DLG1: variants seen among roughly 807,000 people sequenced by gnomAD.
DLG1 encodes the protein discs large MAGUK scaffold protein 1.
DLG1 carries 42 observed loss-of-function variants against 123.4 expected under a neutral mutation model. The ratio of observed to expected loss-of-function variants is 0.34; its 90% CI spans 0.27 to 0.44. The LOEUF (loss-of-function observed/expected upper bound fraction) is 0.44. DLG1 is among the 20% of genes least tolerant of loss of function. The probability of loss-of-function intolerance (pLI) is 1.00; values close to 1 mark genes in which losing one functional copy is unlikely to be tolerated. For synonymous variants in DLG1, 317 were observed against 356.2 expected, an observed-to-expected ratio of 0.89 and a Z score of 1.24; for missense variants, 942 against 1,082.6, an observed-to-expected ratio of 0.87 and a Z score of 1.82.
chr3:197,078,886 A>G (rs1348651615), intron 17 of DLG1, among the ~76,000 whole-genome samples: 5 of 152,232 alleles, frequency 3.3e-5, no homozygotes, highest in African/African-American at 1.2e-4. Context: ...GCAAACAACC[A>G]AAAGAAACAT....
At chr3:197,119,608 G>A (rs1323381312) in intron 11 of DLG1, 78 bp from the exon 12 acceptor site, 1 of 1,326,834 alleles carries the variant, frequency 7.5e-7, no homozygotes, top group African/African-American at 1.5e-5. Flanking sequence ...TGATTAATGT[G>A]TAATTTATAT....
intron 14 of DLG1, among the ~76,000 whole-genome samples, chr3:197,098,081 T>A (rs1761613013): frequency 6.6e-6 from 1 of 152,222 alleles, no homozygotes; most frequent in Non-Finnish European, 1.5e-5. Flanking sequence ...AAAATTTAAC[T>A]GGCTCTCCCA....
In DLG1 at chr3:197,283,950, C is replaced by T. The variant is rs1042456312; in HGVS notation, c.152-1105G>A. 2.0e-5 allele frequency among the ~76,000 whole-genome samples: 3 copies of T among 150,532 alleles called. No individual in the cohort carries two copies. In the Admixed American group the frequency reaches 2.0e-4, roughly 10 times the overall value. The stretch of plus-strand genomic sequence containing the variant: ...GATCTTGGCTCACGGCAACCTCCAC[C>T]TCCTGGGTTCATGCGATTCTCCTGA... On this transcript the variant is annotated intron_variant, in intron 3 of 24. Coordinates refer to ENST00000667157, the MANE Select transcript of DLG1 (RefSeq NM_001366207.1).
At position 197,156,153 on chromosome 3, in the gene DLG1, G is replaced by A. The variant is rs1796325251; in HGVS notation, c.484-6357C>T. Among the ~76,000 whole-genome samples, 3 of 152,112 alleles carry A rather than the reference G, an allele frequency of 2.0e-5. No homozygotes were observed. The South Asian group carries it at 6.2e-4, about 32-fold the overall frequency. On this transcript the variant is annotated intron_variant, in intron 5 of 24. Coordinates refer to ENST00000667157, the MANE Select transcript of DLG1 (RefSeq NM_001366207.1). ...ACAATATATGAAGATGTAATTCTGTGACATCAACAACTGAAAGGGGTTGGG... is the reference window on the plus strand; with the variant it reads ...ACAATATATGAAGATGTAATTCTGTAACATCAACAACTGAAAGGGGTTGGG...
rs1334874746 is a variant in DLG1, at chr3:197,211,966, T to C, written c.319-17377A>G. Among the ~76,000 whole-genome samples the C allele has an allele frequency of 1.4e-5, 2 of 146,466 alleles. 1 individual carries two copies. Among genetic ancestry groups the C allele is most frequent in the East Asian group, 3.9e-4 (2 of 5,092 alleles). The stretch of plus-strand genomic sequence containing the variant: ...GAAGATGGATGTTGCTAGAGGCTAT[T>C]ATCCTTAGCAAACTAACACAGGAAC... On this transcript the variant is annotated intron_variant, in intron 4 of 24. Transcript: ENST00000667157.
chr3:197,227,635 C>A (rs1386903457), intron 4 of DLG1, among the ~76,000 whole-genome samples: 1 of 152,154 alleles, frequency 6.6e-6, no homozygotes, highest in Non-Finnish European at 1.5e-5. Context: ...CCAGAAACAG[C>A]GTGCCAAAAG....
rs1344303376 is a variant in DLG1, at chr3:197,085,625, G to C, written c.1793C>G (p.Pro598Arg). The C allele has an allele frequency of 1.2e-6, 2 of 1,613,922 alleles. No individual in the cohort carries two copies. Among genetic ancestry groups the C allele is most frequent in the South Asian group, 1.1e-5 (1 of 91,074 alleles). Residue 598 changes from proline to arginine, a missense_variant, in exon 16 of 25, where the codon CCA (proline) becomes CGA (arginine). Transcript: ENST00000667157. ...TCCGACCTCATCGCTCTCACCATCT[G>C]GTGTAACCTGCCTGGCTTGCCACCA... ...DEWWQARQVT[P>R]DGESDEVGVI...
Position 197,051,672 on chromosome 3 carries a change from C to T in DLG1, c.2484-4G>A, listed in dbSNP as rs200632132. The T allele has an allele frequency of 1.2e-4, 187 of 1,605,702 alleles. 1 individual carries two copies. Among genetic ancestry groups the T allele is most frequent in the Middle Eastern group, 1.2e-3 (7 of 6,044 alleles). On this transcript the variant is annotated splice_region_variant and splice_polypyrimidine_tract_variant and intron_variant, in intron 23 of 24. Coordinates refer to ENST00000667157, the MANE Select transcript of DLG1 (RefSeq NM_001366207.1). ...TGTTAGACGCTTATTCATTTCCCTA[C>T]GAAAATAAATGTAGAAATTGATAAT...
chr3:197,145,710 T>C (rs1472473796), intron 6 of DLG1, among the ~76,000 whole-genome samples: 1 of 152,192 alleles, frequency 6.6e-6, no homozygotes, highest in Non-Finnish European at 1.5e-5. Context: ...TCAGTAAATA[T>C]TCCTGGTGCT....
intron 13 of DLG1, among the ~76,000 whole-genome samples, chr3:197,108,875 T>C (rs1768159635): frequency 6.6e-6 from 1 of 152,244 alleles, no homozygotes; most frequent in Non-Finnish European, 1.5e-5. Context: ...ATATAATTAC[T>C]GATAATGTAG....
intron 12 of DLG1, among the ~76,000 whole-genome samples, chr3:197,116,837 CT>C (rs1185339004): frequency 6.6e-6 from 1 of 151,924 alleles, no homozygotes; most frequent in African/African-American, 2.4e-5. Flanking sequence ...CATCTTCAGG[CT>C]TTTTATATGA....
At chr3:197,180,704 G>A (rs192186982) in intron 5 of DLG1, among the ~76,000 whole-genome samples, 2 of 152,184 alleles carry the variant, frequency 1.3e-5, no homozygotes, top group East Asian at 3.9e-4. Flanking sequence ...AGGGGAATCG[G>A]GGCAGTGTGA....
intron 16 of DLG1, among the ~76,000 whole-genome samples, chr3:197,081,484 T>C (rs1443745386): frequency 6.6e-6 from 1 of 152,214 alleles, no homozygotes; most frequent in Non-Finnish European, 1.5e-5. Context: ...AAAATTAAGC[T>C]AGAGAAAGCA....
At chr3:197,297,078 C>T (rs1373589145) in intron 2 of DLG1, 108 bp downstream of exon 2, 4 of 1,179,760 alleles carry the variant, frequency 3.4e-6, no homozygotes, top group East Asian at 4.7e-5. Flanking sequence ...AAGCTAGGAC[C>T]GTGCTGTCTC....
Position 197,148,600 on chromosome 3 carries a change from CAACA to C in DLG1, c.537+1139_537+1142del, listed in dbSNP as rs200419306. On this transcript the variant is annotated intron_variant, in intron 6 of 24. Transcript: ENST00000667157. Reference sequence around the variant, plus strand: ...TTCAATGCGGAAAGAATAGTCTTTTCAACAAACAGTGATGCTATCCACATACAAA... The same window carrying C: ...TTCAATGCGGAAAGAATAGTCTTTTCAACAGTGATGCTATCCACATACAAA... Among the ~76,000 whole-genome samples the C allele has an allele frequency of 2.3e-3, 346 of 152,124 alleles. 3 individuals are homozygous for C. The highest frequency in any genetic ancestry group is 7.5e-3 in the African/African-American group (312 of 41,522).
At chr3:197,215,009 G>C (rs904174190) in intron 4 of DLG1, among the ~76,000 whole-genome samples, 1 of 152,136 alleles carries the variant, frequency 6.6e-6, no homozygotes, top group South Asian at 2.1e-4. Flanking sequence ...AAACATAAAT[G>C]AAAGTAACTT....
rs1767951549 is a variant in DLG1, at chr3:197,279,107, T to TA, written c.318+3571dup. On this transcript the variant is annotated intron_variant, in intron 4 of 24. Coordinates refer to ENST00000667157, the MANE Select transcript of DLG1 (RefSeq NM_001366207.1). ...TCCTAAACATCATGCCCCAAGAGTCTAAAGTAGCAAATGAAACAAGAGATC... is the reference window on the plus strand; with the variant it reads ...TCCTAAACATCATGCCCCAAGAGTCTAAAAGTAGCAAATGAAACAAGAGATC... Among the ~76,000 whole-genome samples the TA allele has an allele frequency of 2.0e-5, 3 of 152,302 alleles. No individual in the cohort carries two copies. The South Asian group carries it at 6.2e-4, about 32-fold the overall frequency.
chr3:197,175,158 C>G (rs528695436), intron 5 of DLG1, among the ~76,000 whole-genome samples: 1 of 152,140 alleles, frequency 6.6e-6, no homozygotes, highest in Non-Finnish European at 1.5e-5. Context: ...TATTTGCATA[C>G]GCCTGTTAAA....
intron 3 of DLG1, among the ~76,000 whole-genome samples, chr3:197,288,743 A>AAAAACATACATAC (rs1553827364): frequency 0.023 from 1,677 of 72,148 alleles, 60 homozygotes; most frequent in South Asian, 0.031. Flanking sequence ...AAAAAAAAAA[A>AAAAACATACATAC]ATACATACAT....
Sources: allele counts gnomAD v4.1 joint callset (sites outside exome capture counted in the v4.1 genomes callset), GRCh38; gene constraint gnomAD v4.1.1; transcripts MANE v1.5; gene names NCBI Gene and HGNC (gene_info 2026-07-23, HGNC 2026-07-21).